WDR49: variants seen among roughly 807,000 people sequenced by gnomAD.
The protein encoded by WDR49 is cilia- and flagella-associated protein 337.
A neutral mutation model predicts 119.5 loss-of-function variants in WDR49; 107 were observed. The ratio of observed to expected loss-of-function variants is 0.90; its 90% CI spans 0.77 to 1.05. The LOEUF (loss-of-function observed/expected upper bound fraction) is 1.05, where lower values mean the gene tolerates loss of function less well. WDR49 is among the 50% of genes least tolerant of loss of function. The pLI, the probability that WDR49 is intolerant of heterozygous loss-of-function variation, is 0.00. For missense variants in WDR49, 1,240 were observed against 1,220.5 expected (o/e 1.02, Z -0.24); for synonymous variants, 425 against 418.8 (o/e 1.01, Z -0.18).
chr3:167,626,129 A>G (rs1717119214), intron 3 of WDR49, among the ~76,000 whole-genome samples: 1 of 152,034 alleles, frequency 6.6e-6, no homozygotes, highest in African/African-American at 2.4e-5. Flanking sequence ...TATTTTGGCT[A>G]TGCTAAAATA....
chr3:167,510,286 A>C (rs1751919121), intron 16 of WDR49, among the ~76,000 whole-genome samples: 1 of 152,210 alleles, frequency 6.6e-6, no homozygotes. Context: ...TTTTATAATA[A>C]GGAAATATTC....
At chr3:167,639,268 T>A (rs1017346027) in intron 2 of WDR49, among the ~76,000 whole-genome samples, 1 of 151,754 alleles carries the variant, frequency 6.6e-6, no homozygotes, top group African/African-American at 2.4e-5. Flanking sequence ...AGTTTATGCA[T>A]CCATAGGATC....
chr3:167,551,627 G>C (rs1308213371), intron 10 of WDR49, among the ~76,000 whole-genome samples: 1 of 151,954 alleles, frequency 6.6e-6, no homozygotes, highest in Non-Finnish European at 1.5e-5. Context: ...ACTTCTTCAA[G>C]CTTCGGTAGC....
intron 7 of WDR49, among the ~76,000 whole-genome samples, chr3:167,578,082 A>T (rs989899326): frequency 1.3e-5 from 2 of 152,086 alleles, no homozygotes; most frequent in African/African-American, 2.4e-5. Context: ...CCTTCTTCTC[A>T]CACCTGCATA....
chr3:167,589,714 T>C (rs1333887959), intron 7 of WDR49, among the ~76,000 whole-genome samples: 1 of 152,048 alleles, frequency 6.6e-6, no homozygotes, highest in Non-Finnish European at 1.5e-5. Context: ...ACGGGATTAT[T>C]TTCTTGATTT....
At chr3:167,528,999 A>T in intron 14 of WDR49, 53 bp downstream of exon 14, 1 of 1,445,098 alleles carries the variant, frequency 6.9e-7, no homozygotes, top group Non-Finnish European at 9.2e-7. Context: ...GTTACCTGCA[A>T]CAAAGGGTCA....
intron 16 of WDR49, among the ~76,000 whole-genome samples, chr3:167,511,710 A>G (rs947350977): frequency 6.6e-6 from 1 of 152,182 alleles, no homozygotes; most frequent in Non-Finnish European, 1.5e-5. Flanking sequence ...TAAGACAACC[A>G]AGTACCCAGA....
At chr3:167,575,308 T>C in intron 8 of WDR49, 1 of 986,594 alleles carries the variant, frequency 1.0e-6, no homozygotes, top group Non-Finnish European at 1.2e-6. Context: ...GCGCAGTAAC[T>C]CTGCTCCAGG....
intron 18 of WDR49, among the ~76,000 whole-genome samples, chr3:167,498,455 G>T (rs1269225841): frequency 6.6e-6 from 1 of 152,110 alleles, no homozygotes; most frequent in South Asian, 2.1e-4. Flanking sequence ...GTGGAGGGGG[G>T]AGGGTGAGAG....
At chr3:167,584,842 G>A (rs1714724058) in intron 7 of WDR49, among the ~76,000 whole-genome samples, 1 of 151,944 alleles carries the variant, frequency 6.6e-6, no homozygotes, top group South Asian at 2.1e-4. Flanking sequence ...TAGGAGATGT[G>A]GAAAATATTT....
intron 5 of WDR49, among the ~76,000 whole-genome samples, chr3:167,619,754 C>T (rs553198855): frequency 1.3e-4 from 20 of 152,212 alleles, no homozygotes; most frequent in African/African-American, 3.6e-4. Context: ...AATTAGCATA[C>T]TCAGTATCTA....
intron 10 of WDR49, among the ~76,000 whole-genome samples, chr3:167,553,937 G>A (rs1402100772): frequency 6.6e-6 from 1 of 152,092 alleles, no homozygotes; most frequent in East Asian, 1.9e-4. Context: ...TATAAAATCT[G>A]ATTTAATCCG....
chr3:167,479,046 C>G (rs1692557056), intron 18 of WDR49, 50 bp from the exon 19 acceptor site: 7 of 1,359,718 alleles, frequency 5.1e-6, no homozygotes, highest in Non-Finnish European at 7.1e-6. Context: ...GTTAAGAGAC[C>G]TATTTAAATG....
intron 10 of WDR49, among the ~76,000 whole-genome samples, chr3:167,548,549 C>T (rs1304603955): frequency 6.6e-6 from 1 of 151,892 alleles, no homozygotes; most frequent in Non-Finnish European, 1.5e-5. Flanking sequence ...CTTAAGTAGT[C>T]TATTTTATTA....
intron 2 of WDR49, among the ~76,000 whole-genome samples, chr3:167,644,380 A>T (rs971933597): frequency 6.6e-6 from 1 of 152,040 alleles, no homozygotes; most frequent in African/African-American, 2.4e-5. Context: ...CCCCACTACA[A>T]TCACAGTTCT....
chr3:167,499,022 T>C (rs1009397345), intron 18 of WDR49, among the ~76,000 whole-genome samples: 22 of 152,254 alleles, frequency 1.4e-4, no homozygotes, highest in South Asian at 1.0e-3. Context: ...GGCTTCGTTT[T>C]TAAGAGAAAT....
chr3:167,656,445 A>G (rs1306967934), upstream of WDR49, among the ~76,000 whole-genome samples: 1 of 152,240 alleles, frequency 6.6e-6, no homozygotes, highest in Non-Finnish European at 1.5e-5. Flanking sequence ...GAAATAGGAA[A>G]AACATTCTGT....
intron 16 of WDR49, among the ~76,000 whole-genome samples, chr3:167,519,037 C>G (rs867508446): frequency 6.6e-6 from 1 of 152,050 alleles, no homozygotes; most frequent in Non-Finnish European, 1.5e-5. Context: ...CTCAACATCA[C>G]TGATCATTAG....
intron 2 of WDR49, among the ~76,000 whole-genome samples, chr3:167,629,540 A>G (rs1717275459): frequency 6.6e-6 from 1 of 152,106 alleles, no homozygotes; most frequent in Non-Finnish European, 1.5e-5. Flanking sequence ...CCAGCCTTCA[A>G]TTCTGATTAT....
Sources: gnomAD v4.1 joint callset for allele counts (sites outside exome capture counted in the v4.1 genomes callset) on GRCh38, gnomAD v4.1.1 for gene constraint, MANE v1.5 for transcripts, NCBI Gene and HGNC (gene_info 2026-07-23, HGNC 2026-07-21) for gene names.